Variants in FGF13 observed in about 807,000 individuals in gnomAD.
The protein encoded by FGF13 is fibroblast growth factor 13.
Under a neutral mutation model 19.5 loss-of-function variants are expected in FGF13, and 2 were observed. The ratio of observed to expected loss-of-function variants is 0.10; its 90% CI spans 0.04 to 0.32. The LOEUF is 0.32. Among genes scored for constraint, FGF13 ranks in the 10% least tolerant of loss-of-function variants. The probability of loss-of-function intolerance (pLI) is 1.00; values close to 1 mark genes in which losing one functional copy is unlikely to be tolerated. For missense variants in FGF13, 113 were observed against 192.7 expected, an observed-to-expected ratio of 0.59 and a Z score of 2.45; for synonymous variants, 72 against 76.9, an observed-to-expected ratio of 0.94 and a Z score of 0.33.
intron 3 of FGF13, among the ~76,000 whole-genome samples, chrX:138,783,103 C>A (rs2124361791): frequency 1.0e-5 from 1 of 98,628 alleles, no homozygotes; most frequent in African/African-American, 3.9e-5. Context: ...GGAAAACTGG[C>A]TAGCCATATG....
In FGF13 at chrX:138,630,649, G is replaced by A. The variant is rs2089106432; in HGVS notation, c.*2201C>T. The A allele has an allele frequency of 9.0e-6, 1 of 111,160 alleles. No homozygotes were observed. The highest frequency in any genetic ancestry group is 3.8e-4 in the South Asian group (1 of 2,619). 9.2% of individuals were successfully genotyped at this position (111,160 alleles called of 1,213,427 possible). ...CTGGTCCAAACATCTTAGAAATGAGGAGTCTCCCCTCCTTGCAAAAGCAGG... is the reference window on the plus strand; with the variant it reads ...CTGGTCCAAACATCTTAGAAATGAGAAGTCTCCCCTCCTTGCAAAAGCAGG... On this transcript the variant is annotated 3_prime_UTR_variant, in exon 5 of 5. Transcript: ENST00000315930.
chrX:138,876,724 G>A (rs937512475), intron 1 of FGF13, among the ~76,000 whole-genome samples: 2 of 112,107 alleles, frequency 1.8e-5, no homozygotes, highest in African/African-American at 6.5e-5. Flanking sequence ...AGCATTCACT[G>A]GCAGAGAGTT....
chrX:138,935,820 T>C (rs1040590432), intron 1 of FGF13, among the ~76,000 whole-genome samples: 11 of 111,894 alleles, frequency 9.8e-5, no homozygotes, highest in African/African-American at 3.6e-4. Context: ...TCTCCATCAT[T>C]ATAGTTGGGT....
intron 1 of FGF13, among the ~76,000 whole-genome samples, chrX:139,179,197 T>C (rs985673002): frequency 1.4e-4 from 16 of 111,591 alleles, no homozygotes; most frequent in Admixed American, 3.8e-4. Context: ...ACCAACTTAA[T>C]ATCTCACAGT....
intron 1 of FGF13, among the ~76,000 whole-genome samples, chrX:138,944,633 T>C (rs1464382819): frequency 2.7e-5 from 3 of 111,251 alleles, no homozygotes; most frequent in African/African-American, 9.8e-5. Context: ...TGAAAACTTT[T>C]GGAATCACTA....
At position 139,095,581 on chromosome X, in the gene FGF13, C is replaced by T. The variant is rs377416522; in HGVS notation, c.-113+107835G>A. Among the ~76,000 whole-genome samples the T allele has an allele frequency of 1.4e-4, 16 of 111,893 alleles. No homozygotes were observed. The East Asian group carries it at 3.1e-3, about 22-fold the overall frequency. ...CCTCCATTTGCAGGCTGAGTGGCTT[C>T]GGCCTAATTGTTCTACCTATCTGAG... On this transcript the variant is annotated intron_variant, in intron 1 of 2. Coordinates refer to the FGF13 transcript ENST00000421460.
At chrX:138,760,441 C>T (rs1161537024) in intron 3 of FGF13, among the ~76,000 whole-genome samples, 2 of 111,873 alleles carry the variant, frequency 1.8e-5, no homozygotes, top group East Asian at 2.8e-4. Flanking sequence ...GACCACAAAG[C>T]TGACACAAGC....
chrX:139,020,115 T>C (rs1776440091), intron 1 of FGF13, among the ~76,000 whole-genome samples: 1 of 111,330 alleles, frequency 9.0e-6, no homozygotes, highest in African/African-American at 3.3e-5. Context: ...TCAGGATAAT[T>C]ATACTTTCTC....
chrX:139,177,876 C>T (rs1002690536), intron 1 of FGF13, among the ~76,000 whole-genome samples: 4 of 112,431 alleles, frequency 3.6e-5, no homozygotes, highest in Non-Finnish European at 7.5e-5. Context: ...AAGGGAATCT[C>T]CTGGTCTGCG....
rs2088978624 is a variant in FGF13 at position 138,617,449 on chromosome X, T to C, written c.*15401A>G. The C allele has an allele frequency of 8.9e-6, 1 of 112,121 alleles. No individual in the cohort carries two copies. Among genetic ancestry groups the C allele is most frequent in the African/African-American group, 3.2e-5 (1 of 30,867 alleles). The allele number at this position is 112,121 out of a possible 1,213,427, so 9.2% of individuals were successfully genotyped here. A position where few individuals can be genotyped will look rare whatever the true frequency, so the allele number is the denominator to read the frequency against. ...TAACTTGCAACCGTAAGTTGGAGAT[T>C]GTATCAAATTTGTTAGAGGTGTGGA... On this transcript the variant is annotated 3_prime_UTR_variant, in exon 5 of 5. Coordinates refer to ENST00000315930, the MANE Select transcript of FGF13 (RefSeq NM_004114.5).
At chrX:138,731,038 G>A (rs2090226490) in intron 1 of FGF13, among the ~76,000 whole-genome samples, 1 of 111,232 alleles carries the variant, frequency 9.0e-6, no homozygotes. Flanking sequence ...CTATATGTGT[G>A]TGTACCTACT....
intron 3 of FGF13, among the ~76,000 whole-genome samples, chrX:138,778,411 A>G (rs902042724): frequency 3.6e-5 from 4 of 111,955 alleles, no homozygotes; most frequent in African/African-American, 1.3e-4. Flanking sequence ...TACCGGGTTC[A>G]TCTCACTAGG....
chrX:139,065,741 G>A (rs1041470682), intron 1 of FGF13, among the ~76,000 whole-genome samples: 3 of 110,241 alleles, frequency 2.7e-5, no homozygotes, highest in Non-Finnish European at 5.7e-5. Flanking sequence ...TTTAACACCC[G>A]ACTCAATATT....
intron 3 of FGF13, among the ~76,000 whole-genome samples, chrX:138,693,445 T>C (rs1039369429): frequency 1.8e-5 from 2 of 111,955 alleles, no homozygotes; most frequent in African/African-American, 6.5e-5. Context: ...TTATTTTCTC[T>C]GCTTTTTTCC....
intron 1 of FGF13, among the ~76,000 whole-genome samples, chrX:138,866,492 C>G (rs1224175630): frequency 8.0e-5 from 9 of 111,873 alleles, no homozygotes; most frequent in Non-Finnish European, 1.1e-4. Flanking sequence ...TTTCAAAAAC[C>G]TTGGGCGATG....
chrX:139,057,593 T>C (rs186453231), intron 1 of FGF13, among the ~76,000 whole-genome samples: 3 of 112,280 alleles, frequency 2.7e-5, no homozygotes, highest in African/African-American at 9.7e-5. Flanking sequence ...TAAATGTTCA[T>C]AGCACAATTA....
chrX:138,708,837 T>C lies in FGF13; in HGVS notation c.279A>G (p.Lys93=), dbSNP rs374452799. ...LQADGTIDGT[K]DEDSTYTLFN... ...ACTTACTGTAAGTGCTGTCCTCATC[T>C]TTGGTGCCATCAATGGTTCCATCCG... The change falls in exon 2 of 5, where the codon AAA becomes AAG. Residue 93 remains lysine, a synonymous_variant. Coordinates refer to ENST00000315930, the MANE Select transcript of FGF13 (RefSeq NM_004114.5). 548 of 1,204,922 alleles carry C rather than the reference T, an allele frequency of 4.5e-4. No individual in the cohort carries two copies. The highest frequency in any genetic ancestry group is 5.9e-4 in the Non-Finnish European group (527 of 890,291).
Position 138,616,967 on chromosome X carries a change from G to A in FGF13, c.*15883C>T, listed in dbSNP as rs373683296. Reference sequence around the variant, plus strand: ...TCAAGGCTGCAAAGAGCAAGGGGGGGTGCCTGAGGCCTGGCCCACTAAACC... The same window carrying A: ...TCAAGGCTGCAAAGAGCAAGGGGGGATGCCTGAGGCCTGGCCCACTAAACC... On this transcript the variant is annotated 3_prime_UTR_variant, in exon 5 of 5. Transcript: ENST00000315930. The A allele has an allele frequency of 2.7e-5, 3 of 111,637 alleles. No homozygotes were observed. The highest frequency in any genetic ancestry group is 5.7e-4 in the East Asian group (2 of 3,532). The allele number at this position is 111,637 out of a possible 1,213,427, so 9.2% of individuals were successfully genotyped here.
intron 2 of FGF13, chrX:138,857,823 GATTTT>G (rs1403992524): frequency 2.0e-5 from 9 of 460,689 alleles, no homozygotes; most frequent in African/African-American, 5.0e-5. Flanking sequence ...ATAGCTTGGC[GATTTT>G]ATTTTAATGG....
Sources: gnomAD v4.1 joint callset for allele counts (sites outside exome capture counted in the v4.1 genomes callset) on GRCh38, gnomAD v4.1.1 for gene constraint, MANE v1.5 for transcripts, NCBI Gene and HGNC (gene_info 2026-07-23, HGNC 2026-07-21) for gene names.